ZNF804B: variants seen among roughly 807,000 people sequenced by gnomAD.
ZNF804B encodes the protein zinc finger 804B.
A neutral mutation model predicts 101.4 loss-of-function variants in ZNF804B; 80 were observed. The ratio of observed to expected loss-of-function variants is 0.79; its 90% CI spans 0.66 to 0.95. The LOEUF is 0.95. Among genes scored for constraint, ZNF804B ranks in the 40% least tolerant of loss-of-function variants. The pLI is 0.00. For missense variants in ZNF804B, 1,673 were observed against 1,561.9 expected (o/e 1.07, Z -1.20); for synonymous variants, 622 against 558.8 (o/e 1.11, Z -1.59).
At chr7:88,874,549 A>G (rs1464149321) in intron 1 of ZNF804B, among the ~76,000 whole-genome samples, 1 of 151,976 alleles carries the variant, frequency 6.6e-6, no homozygotes, top group East Asian at 1.9e-4. Context: ...GTCTTGTGCC[A>G]GTTTTCAAAG....
At chr7:89,147,082 GGT>G (rs1491464817) in intron 1 of ZNF804B, among the ~76,000 whole-genome samples, 11 of 117,570 alleles carry the variant, frequency 9.4e-5, no homozygotes, top group Middle Eastern at 3.9e-3. Flanking sequence ...AGGATAATCA[GGT>G]ATATATATAT....
intron 1 of ZNF804B, among the ~76,000 whole-genome samples, chr7:88,882,362 G>A (rs1394400985): frequency 3.9e-5 from 6 of 152,072 alleles, no homozygotes; most frequent in African/African-American, 1.2e-4. Flanking sequence ...TTATTAAAAA[G>A]TAAAAACTTA....
intron 1 of ZNF804B, among the ~76,000 whole-genome samples, chr7:89,046,747 A>G (rs1401337188): frequency 6.6e-6 from 1 of 152,120 alleles, no homozygotes; most frequent in Non-Finnish European, 1.5e-5. Context: ...TTACTCATAT[A>G]GTTTCTGGTC....
chr7:88,984,400 GTTTAC>G lies in ZNF804B; in HGVS notation c.108+224319_108+224323del, dbSNP rs535078097. On this transcript the variant is annotated intron_variant, in intron 1 of 3. Transcript: ENST00000333190. ...GCATGTTTTTGTTTCTTTGTTTGTT[GTTTAC>G]TTAGACTCTTGCCAACTCAGACTGT... 2.9e-3 allele frequency among the ~76,000 whole-genome samples: 434 copies of G among 152,044 alleles called. 1 individual carries two copies. Among genetic ancestry groups the G allele is most frequent in the African/African-American group, 9.1e-3 (377 of 41,518 alleles).
At position 89,333,601 on chromosome 7, in the gene ZNF804B, T is replaced by A. The variant is rs988890423; in HGVS notation, c.619T>A (p.Ser207Thr). Residue 207 changes from serine to threonine, a missense_variant, in exon 4 of 4, where the codon TCT becomes ACT. Coordinates refer to ENST00000333190, the MANE Select transcript of ZNF804B (RefSeq NM_181646.5). ...GTTTGGAAATCAGGTACTGCAAACA[T>A]CTTCAGATCTCAGCAATGCAAATCA... ...CLFGNQVLQT[S>T]SDLSNANHRT... 5 of 1,613,502 alleles carry A rather than the reference T, an allele frequency of 3.1e-6. No homozygotes were observed. In the African/African-American group the frequency reaches 5.3e-5, roughly 17 times the overall value.
At chr7:89,270,860 C>T (rs1196150279) in intron 2 of ZNF804B, among the ~76,000 whole-genome samples, 2 of 152,064 alleles carry the variant, frequency 1.3e-5, no homozygotes, top group African/African-American at 4.8e-5. Flanking sequence ...TGATTTGGCT[C>T]TCTGTTTGTC....
intron 1 of ZNF804B, among the ~76,000 whole-genome samples, chr7:88,994,949 C>A (rs1007740575): frequency 6.6e-6 from 1 of 152,028 alleles, no homozygotes; most frequent in African/African-American, 2.4e-5. Flanking sequence ...GGAGTTGCAT[C>A]AACACACACA....
chr7:89,089,017 G>C (rs1583979422), intron 1 of ZNF804B, among the ~76,000 whole-genome samples: 1 of 150,024 alleles, frequency 6.7e-6, no homozygotes, highest in East Asian at 2.0e-4. Context: ...GTGCTCCTGG[G>C]TAAGGTGTTA....
chr7:89,210,036 C>G (rs1362346570), intron 1 of ZNF804B, among the ~76,000 whole-genome samples: 1 of 151,838 alleles, frequency 6.6e-6, no homozygotes, highest in African/African-American at 2.4e-5. Context: ...GTAGTCCCAG[C>G]TACTCAGGAG....
chr7:89,267,517 G>C (rs569359848), intron 2 of ZNF804B, among the ~76,000 whole-genome samples: 1 of 152,002 alleles, frequency 6.6e-6, no homozygotes, highest in Non-Finnish European at 1.5e-5. Flanking sequence ...TCTATGTGTT[G>C]ATCAAACTTA....
In ZNF804B at chr7:89,336,590, A is replaced by C. The variant is rs141851307; in HGVS notation, c.3608A>C (p.His1203Pro). The C allele has an allele frequency of 1.9e-6, 3 of 1,613,984 alleles. No individual in the cohort carries two copies. In the African/African-American group the frequency reaches 4.0e-5, roughly 22 times the overall value. The change falls in exon 4 of 4, where the codon CAC becomes CCC. Residue 1203 changes from histidine to proline, a missense_variant. Physicochemically the swap from His to Pro is moderately conservative, Grantham distance 77. Coordinates refer to ENST00000333190, the MANE Select transcript of ZNF804B (RefSeq NM_181646.5). Reference sequence around the variant, plus strand: ...GTACAGACAGTTCCAGTTCACCAGCACACTTCTATCACCACCATCCACCAC... The same window carrying C: ...GTACAGACAGTTCCAGTTCACCAGCCCACTTCTATCACCACCATCCACCAC... ...STVQTVPVHQ[H>P]TSITTIHHTF...
At chr7:88,979,262 T>A (rs1017101554) in intron 1 of ZNF804B, among the ~76,000 whole-genome samples, 1 of 152,036 alleles carries the variant, frequency 6.6e-6, no homozygotes, top group African/African-American at 2.4e-5. Context: ...TTGTATTTAA[T>A]ATCATCAGTA....
chr7:88,765,897 T>C (rs1282693149), intron 1 of ZNF804B, among the ~76,000 whole-genome samples: 1 of 63,910 alleles, frequency 1.6e-5, no homozygotes, highest in Non-Finnish European at 2.6e-5. Context: ...GTTTTGGAAG[T>C]ACTAAACTTG....
intron 1 of ZNF804B, among the ~76,000 whole-genome samples, chr7:88,970,874 C>A (rs1173595045): frequency 2.7e-5 from 4 of 150,396 alleles, no homozygotes; most frequent in Middle Eastern, 3.4e-3. Flanking sequence ...CGCTAAATGA[C>A]AAGTTAATGG....
chr7:88,807,748 T>C (rs1441912596), intron 1 of ZNF804B, among the ~76,000 whole-genome samples: 1 of 152,202 alleles, frequency 6.6e-6, no homozygotes, highest in East Asian at 1.9e-4. Flanking sequence ...CTTTATAGAT[T>C]TGCAACATGA....
At chr7:88,871,314 G>C (rs917219937) in intron 1 of ZNF804B, among the ~76,000 whole-genome samples, 1 of 151,940 alleles carries the variant, frequency 6.6e-6, no homozygotes, top group Admixed American at 6.6e-5. Flanking sequence ...GCATACAAAG[G>C]CTCCTAAGTT....
chr7:89,064,623 T>A (rs1789427205), intron 1 of ZNF804B, among the ~76,000 whole-genome samples: 2 of 152,166 alleles, frequency 1.3e-5, no homozygotes, highest in East Asian at 3.9e-4. Context: ...TCCCCCTTTT[T>A]AAGATTTCTA....
chr7:88,808,945 A>G (rs1009079503), intron 1 of ZNF804B, among the ~76,000 whole-genome samples: 8 of 152,212 alleles, frequency 5.3e-5, no homozygotes, highest in Admixed American at 6.5e-5. Flanking sequence ...CCAGATCAAT[A>G]TAGATCTTCA....
intron 1 of ZNF804B, among the ~76,000 whole-genome samples, chr7:88,861,396 G>C (rs892743610): frequency 1.3e-5 from 2 of 152,178 alleles, no homozygotes; most frequent in Non-Finnish European, 2.9e-5. Flanking sequence ...CAGAGCTGCT[G>C]AGGAAAGACC....
Sources: gnomAD v4.1 joint callset for allele counts (sites outside exome capture counted in the v4.1 genomes callset) on GRCh38, gnomAD v4.1.1 for gene constraint, MANE v1.5 for transcripts, NCBI Gene and HGNC (gene_info 2026-07-23, HGNC 2026-07-21) for gene names.